SNRNP200: variants seen among roughly 807,000 people sequenced by gnomAD.
SNRNP200 encodes small nuclear ribonucleoprotein U5 subunit 200.
A neutral mutation model predicts 255.2 loss-of-function variants in SNRNP200; 66 were observed. That is an observed-to-expected ratio of 0.26 (90% CI 0.21 to 0.32). The LOEUF (loss-of-function observed/expected upper bound fraction) is 0.32. SNRNP200 is among the 10% of genes least tolerant of loss of function. The pLI is 1.00. For missense variants in SNRNP200, 1,585 were observed against 2,749.8 expected (o/e 0.58, Z 9.47); for synonymous variants, 939 against 1,027.8 (o/e 0.91, Z 1.65).
In SNRNP200 at chr2:96,303,215, T is replaced by G. The variant is rs1268800803; in HGVS notation, c.325A>C (p.Thr109Pro). The change falls in exon 3 of 45, where the codon ACT (threonine) becomes CCT (proline). Residue 109 changes from threonine to proline, a missense_variant. This residue lies in a region of SNRNP200 where 383 missense variants were observed against 645.3 expected (regional missense o/e 0.59). Coordinates refer to ENST00000323853, the MANE Select transcript of SNRNP200 (RefSeq NM_014014.5). ...GIIYKPKTKE[T>P]RETYEVLLSF... ...AGTAGCACCTCATAGGTCTCCCGAGTCTCTTTAGTTTTGGGCTTGTAGATG... is the reference window on the plus strand; with the variant it reads ...AGTAGCACCTCATAGGTCTCCCGAGGCTCTTTAGTTTTGGGCTTGTAGATG... 6.2e-6 allele frequency: 10 copies of G among 1,613,828 alleles called. No homozygotes were observed. The highest frequency in any genetic ancestry group is 8.5e-6 in the Non-Finnish European group (10 of 1,179,998).
Position 96,287,258 on chromosome 2 carries a change from C to T in SNRNP200, c.3485-98G>A. 3 of 1,487,138 alleles carry T rather than the reference C, an allele frequency of 2.0e-6. No homozygotes were observed. The highest frequency in any genetic ancestry group is 1.9e-4 in the Middle Eastern group (1 of 5,236). 92.1% of individuals were successfully genotyped at this position (1,487,138 alleles called of 1,614,324 possible). A position where few individuals can be genotyped will look rare whatever the true frequency, so the allele number is the denominator to read the frequency against. On this transcript the variant is annotated intron_variant, in intron 26 of 44. Coordinates refer to ENST00000323853, the MANE Select transcript of SNRNP200 (RefSeq NM_014014.5). This position sits in a 1 kb window ranked among gnomAD's most constrained non-coding sequence, Gnocchi z 5.7. ...CTGTGGGAAAGGGGTAGGGTCTTCC[C>T]TTTATGGTCAGTGGAGCCCAGGATT...
At position 96,277,478 on chromosome 2, in the gene SNRNP200, C is replaced by T. The variant is rs1234693157; in HGVS notation, c.5931+61G>A. 15 of 1,592,904 alleles carry T rather than the reference C, an allele frequency of 9.4e-6. No individual in the cohort carries two copies. Among genetic ancestry groups the T allele is most frequent in the South Asian group, 5.5e-5 (5 of 90,280 alleles). On this transcript the variant is annotated intron_variant, in intron 41 of 44. Coordinates refer to ENST00000323853, the MANE Select transcript of SNRNP200 (RefSeq NM_014014.5). The surrounding 1 kb of genome is among the most constrained non-coding windows in gnomAD (Gnocchi z 4.4). ...AGACTCACCTCCCGCAACCCACGCT[C>T]GGTCCACAACACTGGGCTCTCAGGC...
chr2:96,305,015 C>A, intron 1 of SNRNP200, 147 bp from the exon 2 acceptor site: 2 of 962,560 alleles, frequency 2.1e-6, no homozygotes, highest in South Asian at 2.8e-5. Flanking sequence ...TTAAGAATTG[C>A]ATAGTATAAC....
intron 5 of SNRNP200, among the ~76,000 whole-genome samples, chr2:96,300,712 C>A (rs905486872): frequency 2.0e-5 from 3 of 151,444 alleles, no homozygotes; most frequent in Admixed American, 2.0e-4. Context: ...TGCAGTGAGC[C>A]GAGATCGCAC....
At chr2:96,294,874 TC>T (rs1423216114) in intron 14 of SNRNP200, among the ~76,000 whole-genome samples, 4 of 152,164 alleles carry the variant, frequency 2.6e-5, no homozygotes, top group Non-Finnish European at 4.4e-5. Context: ...TGGCTTAAGA[TC>T]AAGTGTAGTA....
At position 96,300,970 on chromosome 2, in the gene SNRNP200, G is replaced by A. The variant is rs200858580; in HGVS notation, c.630+28C>T. On this transcript the variant is annotated intron_variant, in intron 5 of 44. Coordinates refer to ENST00000323853, the MANE Select transcript of SNRNP200 (RefSeq NM_014014.5). ...TTACCTTAATCAACGTCAAAAACAAGAATGGACTGGGTATGTTTATCACTC... is the reference window on the plus strand; with the variant it reads ...TTACCTTAATCAACGTCAAAAACAAAAATGGACTGGGTATGTTTATCACTC... 7 of 1,602,286 alleles carry A rather than the reference G, an allele frequency of 4.4e-6. No individual in the cohort carries two copies. In the Admixed American group the frequency reaches 1.2e-4, roughly 27 times the overall value.
chr2:96,294,362 C>G (rs559956097), intron 14 of SNRNP200, among the ~76,000 whole-genome samples: 1 of 151,962 alleles, frequency 6.6e-6, no homozygotes, highest in Non-Finnish European at 1.5e-5. Flanking sequence ...TGCTTGAACC[C>G]GGGAGGCGGA....
At chr2:96,299,276 A>C (rs2063938188) in intron 6 of SNRNP200, 53 bp downstream of exon 6, 2 of 1,513,190 alleles carry the variant, frequency 1.3e-6, no homozygotes, top group Non-Finnish European at 1.8e-6. Flanking sequence ...GGGAAGAAGC[A>C]CTAACACCCA....
In SNRNP200 at chr2:96,291,332, C is replaced by T. The variant is rs907278894; in HGVS notation, c.2421+60G>A. 4 of 957,176 alleles carry T rather than the reference C, an allele frequency of 4.2e-6. No homozygotes were observed. The highest frequency in any genetic ancestry group is 6.9e-6 in the Non-Finnish European group (4 of 580,384). The allele number at this position is 957,176 out of a possible 1,614,324, so 59.3% of individuals were successfully genotyped here. A position where few individuals can be genotyped will look rare whatever the true frequency, so the allele number is the denominator to read the frequency against. On this transcript the variant is annotated intron_variant, in intron 18 of 44. Transcript: ENST00000323853. This position sits in a 1 kb window ranked among gnomAD's most constrained non-coding sequence, Gnocchi z 4.2. ...AGGAGCAAACATGGCACAAACTTGA[C>T]ATTGCCCATCTTCTGAAGTATGTCC...
intron 29 of SNRNP200, among the ~76,000 whole-genome samples, chr2:96,285,997 A>G (rs531372146): frequency 6.6e-6 from 1 of 152,294 alleles, no homozygotes; most frequent in East Asian, 1.9e-4. Flanking sequence ...TGTGGTGAGG[A>G]GGCTTCAGTG....
At position 96,278,805 on chromosome 2, in the gene SNRNP200, T is replaced by C; in HGVS notation, c.5323+4A>G. On this transcript the variant is annotated splice_donor_region_variant and intron_variant, in intron 37 of 44. Coordinates refer to ENST00000323853, the MANE Select transcript of SNRNP200 (RefSeq NM_014014.5). The surrounding 1 kb of genome is among the most constrained non-coding windows in gnomAD (Gnocchi z 6.9). ...GGATCACGTGTGCTCCCAAGCCCAC[T>C]GACCCTGCAGGTTGTAGTAATTGGG... is the stretch of plus-strand genomic sequence containing the variant. The C allele has an allele frequency of 6.2e-7, 1 of 1,614,174 alleles. No individual in the cohort carries two copies. Among genetic ancestry groups the C allele is most frequent in the Non-Finnish European group, 8.5e-7 (1 of 1,180,030 alleles).
At position 96,284,011 on chromosome 2, in the gene SNRNP200, A is replaced by G. The variant is rs774572762; in HGVS notation, c.4393-7T>C. 8 of 841,940 alleles carry G rather than the reference A, an allele frequency of 9.5e-6. No individual in the cohort carries two copies. The Admixed American group carries it at 1.3e-4, about 13-fold the overall frequency. The allele number at this position is 841,940 out of a possible 1,614,324, so 52.2% of individuals were successfully genotyped here. A position where few individuals can be genotyped will look rare whatever the true frequency, so the allele number is the denominator to read the frequency against. The stretch of plus-strand genomic sequence containing the variant: ...AGATCACTTCTAAGACAGGCTGGAA[A>G]GAGGGAGGGAGGGAGGGTCACTGCA... On this transcript the variant is annotated splice_region_variant and splice_polypyrimidine_tract_variant and intron_variant, in intron 31 of 44. Transcript: ENST00000323853.
rs1050176644 is a variant in SNRNP200 at position 96,287,493 on chromosome 2, C to T, written c.3430G>A (p.Glu1144Lys). The T allele has an allele frequency of 6.2e-7, 1 of 1,614,052 alleles. No homozygotes were observed. Among genetic ancestry groups the T allele is most frequent in the Non-Finnish European group, 8.5e-7 (1 of 1,180,024 alleles). The change falls in exon 26 of 45, where the codon GAG (glutamate) becomes AAG (lysine). Residue 1144 changes from glutamate to lysine, a missense_variant. Glu to Lys is a moderately conservative substitution (Grantham distance 56). This residue lies in a region of SNRNP200 where 719 missense variants were observed against 1,091.1 expected (regional missense o/e 0.66). Coordinates refer to ENST00000323853, the MANE Select transcript of SNRNP200 (RefSeq NM_014014.5). This position sits in a 1 kb window ranked among gnomAD's most constrained non-coding sequence, Gnocchi z 5.7. ...CGCTCAAAGGGGAAATTCTTCTTCT[C>T]AATCTTCTTCACTACTTCCTCAGGG... is the stretch of plus-strand genomic sequence containing the variant. ...KLPEEVVKKI[E>K]KKNFPFERLY...
rs760008899 is a variant in SNRNP200, at chr2:96,304,698, C to T, written c.209+7G>A. 4 of 1,614,042 alleles carry T rather than the reference C, an allele frequency of 2.5e-6. No individual in the cohort carries two copies. The South Asian group carries it at 4.4e-5, about 18-fold the overall frequency. ...GAAGGAAAAAATAGTATCCCCTTGG[C>T]ACTCACTTGGCTCTTCTTTCCTCCT... On this transcript the variant is annotated splice_region_variant and intron_variant, in intron 2 of 44. Transcript: ENST00000323853.
chr2:96,298,423 A>C lies in SNRNP200; in HGVS notation c.983-3T>G. ...GGCCAGCAAGGTACAGTATAAAACT[A>C]CCCACAACAAAAGGAACAAAGGAAG... is the stretch of plus-strand genomic sequence containing the variant. On this transcript the variant is annotated splice_polypyrimidine_tract_variant and splice_region_variant and intron_variant, in intron 8 of 44. Transcript: ENST00000323853. 6.2e-7 allele frequency: 1 copy of C among 1,614,130 alleles called. No individual in the cohort carries two copies.
rs548219706 is a variant in SNRNP200 at position 96,286,768 on chromosome 2, T to A, written c.3749A>T (p.His1250Leu). The change falls in exon 28 of 45, where the codon CAC (histidine) becomes CTC (leucine). Residue 1250 changes from histidine to leucine, a missense_variant. His to Leu is a moderately conservative substitution (Grantham distance 99). Transcript: ENST00000323853. The surrounding 1 kb of genome is among the most constrained non-coding windows in gnomAD (Gnocchi z 4.8). ...GACAGGCACGAAGAATGTAATGAGG[T>A]GCTCGTCCTGGGCGTACTTGGCCTT... Reference protein sequence around the residue: ...LLKAKYAQDEHLITFFVPVFE... With the variant: ...LLKAKYAQDELLITFFVPVFE... The A allele has an allele frequency of 6.2e-7, 1 of 1,614,010 alleles. No individual in the cohort carries two copies. The highest frequency in any genetic ancestry group is 2.2e-5 in the East Asian group (1 of 44,898).
intron 16 of SNRNP200, 80 bp downstream of exon 16, chr2:96,292,890 TTC>T: frequency 6.6e-7 from 1 of 1,515,022 alleles, no homozygotes; most frequent in Non-Finnish European, 9.1e-7. Flanking sequence ...CTCTTTTAAT[TTC>T]TGTCAATCTT....
rs142904491 is a variant in SNRNP200, at chr2:96,279,774, T to C, written c.5025-215A>G. 362 of 544,454 alleles carry C rather than the reference T, an allele frequency of 6.6e-4. 2 individuals carry two copies. Among genetic ancestry groups the C allele is most frequent in the African/African-American group, 6.3e-3 (335 of 52,976 alleles). The allele number at this position is 544,454 out of a possible 1,614,324, so 33.7% of individuals were successfully genotyped here. A position where few individuals can be genotyped will look rare whatever the true frequency, so the allele number is the denominator to read the frequency against. ...AGTATTCAGTGTAAGGGCCATGAAT[T>C]TGCTGCTCAAGTGCCATGAACCAAG... On this transcript the variant is annotated intron_variant, in intron 35 of 44. Transcript: ENST00000323853.
At position 96,278,348 on chromosome 2, in the gene SNRNP200, G is replaced by A. The variant is rs1008326460; in HGVS notation, c.5499C>T (p.Ser1833=). The part of the protein sequence containing the change: ...YINYTTIELF[S]MSLNAKTKVR... ...CCTTGGTCTTGGCATTGAGGGACAT[G>A]CTGAAGAGCTCTGACAGAAAAAGGA... is the stretch of plus-strand genomic sequence containing the variant. The change falls in exon 39 of 45, where the codon AGC becomes AGT. Residue 1833 remains serine, a synonymous_variant. Transcript: ENST00000323853. The surrounding 1 kb of genome is among the most constrained non-coding windows in gnomAD (Gnocchi z 6.9). 1 of 1,614,218 alleles carries A rather than the reference G, an allele frequency of 6.2e-7. No individual in the cohort carries two copies. The highest frequency in any genetic ancestry group is 8.5e-7 in the Non-Finnish European group (1 of 1,180,050).
Sources: allele counts gnomAD v4.1 joint callset (sites outside exome capture counted in the v4.1 genomes callset), GRCh38; gene constraint gnomAD v4.1.1; regional missense constraint gnomAD v4.1.1; non-coding constraint Gnocchi (gnomAD v3.1); transcripts MANE v1.5; gene names NCBI Gene and HGNC (gene_info 2026-07-23, HGNC 2026-07-21).